Variants in LMNTD1 observed in about 807,000 individuals in gnomAD.
LMNTD1 encodes the protein lamin tail domain containing 1.
LMNTD1 carries 35 observed loss-of-function variants against 50.9 expected under a neutral mutation model. The observed-to-expected ratio is 0.69, with a 90% CI of 0.53 to 0.91. The LOEUF (loss-of-function observed/expected upper bound fraction) is 0.91. LMNTD1 is among the 40% of genes least tolerant of loss of function. The probability of loss-of-function intolerance (pLI) is 0.00; values close to 1 mark genes in which losing one functional copy is unlikely to be tolerated. For synonymous variants in LMNTD1, 153 were observed against 161.9 expected, an observed-to-expected ratio of 0.94 and a Z score of 0.42; for missense variants, 470 against 475.5, an observed-to-expected ratio of 0.99 and a Z score of 0.11.
upstream of LMNTD1, among the ~76,000 whole-genome samples, chr12:25,554,163 G>A (rs1262743093): frequency 6.6e-6 from 1 of 152,164 alleles, no homozygotes; most frequent in African/African-American, 2.4e-5. Context: ...TGTAAATATA[G>A]CATCAGAAGG....
chr12:25,562,973 G>T (rs1944399748), intron 1 of LMNTD1, among the ~76,000 whole-genome samples: 1 of 152,164 alleles, frequency 6.6e-6, no homozygotes, highest in Admixed American at 6.5e-5. Flanking sequence ...TCGTGCCATG[G>T]TTTTCAGCTC....
At chr12:25,494,469 CGTT>C (rs1275286463) in intron 9 of LMNTD1, among the ~76,000 whole-genome samples, 12 of 152,166 alleles carry the variant, frequency 7.9e-5, no homozygotes, top group African/African-American at 2.9e-4. Flanking sequence ...CTGAAACTAT[CGTT>C]GGCCTACGAA....
At chr12:25,496,079 G>GT (rs1247320747) in intron 9 of LMNTD1, among the ~76,000 whole-genome samples, 1 of 152,134 alleles carries the variant, frequency 6.6e-6, no homozygotes, top group Non-Finnish European at 1.5e-5. Context: ...GCTGAAACAT[G>GT]TTTTGGATCC....
intron 1 of LMNTD1, among the ~76,000 whole-genome samples, chr12:25,584,246 T>C (rs1430365861): frequency 6.6e-6 from 1 of 152,238 alleles, no homozygotes; most frequent in East Asian, 1.9e-4. Flanking sequence ...AATATATTTA[T>C]GATTTTTCTC....
chr12:25,528,600 T>C (rs749625145), intron 4 of LMNTD1, among the ~76,000 whole-genome samples: 3 of 152,188 alleles, frequency 2.0e-5, no homozygotes, highest in African/African-American at 4.8e-5. Flanking sequence ...CTTGACAAAT[T>C]ATCTCACTAA....
chr12:25,583,333 G>GT (rs2136431881), intron 1 of LMNTD1, among the ~76,000 whole-genome samples: 1 of 62,270 alleles, frequency 1.6e-5, no homozygotes, highest in African/African-American at 3.6e-5. Context: ...GGCCGGTAAT[G>GT]TTTTTAAAAA....
chr12:25,619,252 C>CTCTCTCTCTCTATATATATATATA (rs1374134268), intron 1 of LMNTD1, among the ~76,000 whole-genome samples: 8 of 84,422 alleles, frequency 9.5e-5, no homozygotes, highest in East Asian at 4.2e-4. Context: ...CTCTCTCTCT[C>CTCTCTCTCTCTATATATATATATA]TATATATATA....
chr12:25,483,058 T>G (rs1260161996), intron 9 of LMNTD1, among the ~76,000 whole-genome samples: 1 of 152,032 alleles, frequency 6.6e-6, no homozygotes, highest in East Asian at 1.9e-4. Flanking sequence ...TTTCAGCATT[T>G]GTGTTTACCT....
intron 1 of LMNTD1, among the ~76,000 whole-genome samples, chr12:25,573,792 C>T (rs193224570): frequency 1.0e-3 from 153 of 152,204 alleles, no homozygotes; most frequent in African/African-American, 3.6e-3. Context: ...TGAAAATCTT[C>T]CCTGATGAGT....
At position 25,509,803 on chromosome 12, in the gene LMNTD1, A is replaced by C. The variant is rs578005807; in HGVS notation, c.1190-6003T>G. ...ATATGAAGACAGAGGCAGAAATTAC[A>C]GCGATGGATCAACAAGCCAAGGAGT... On this transcript the variant is annotated intron_variant, in intron 8 of 9. Coordinates refer to ENST00000458174, the MANE Select transcript of LMNTD1 (RefSeq NM_001145728.2). Among the ~76,000 whole-genome samples, 3 of 152,342 alleles carry C rather than the reference A, an allele frequency of 2.0e-5. No individual in the cohort carries two copies. In the South Asian group the frequency reaches 6.2e-4, roughly 32 times the overall value.
chr12:25,613,800 T>C (rs1397161176), intron 1 of LMNTD1, among the ~76,000 whole-genome samples: 4 of 151,510 alleles, frequency 2.6e-5, no homozygotes, highest in African/African-American at 9.7e-5. Flanking sequence ...GGAAATACTT[T>C]CACTTTTTTC....
At chr12:25,594,061 T>C (rs1025796877) in intron 1 of LMNTD1, among the ~76,000 whole-genome samples, 1 of 151,854 alleles carries the variant, frequency 6.6e-6, no homozygotes, top group African/African-American at 2.4e-5. Flanking sequence ...CTCCAAGAAG[T>C]CTGGGATTAA....
At chr12:25,556,628 C>T (rs1944054505), upstream of LMNTD1, among the ~76,000 whole-genome samples, 1 of 152,060 alleles carries the variant, frequency 6.6e-6, no homozygotes, top group Non-Finnish European at 1.5e-5. Context: ...CTTTACCCCG[C>T]GTTGGGAAAG....
Position 25,614,054 on chromosome 12 carries a change from T to A in LMNTD1, c.58+34440A>T, listed in dbSNP as rs751455929. Among the ~76,000 whole-genome samples, 127 of 151,730 alleles carry A rather than the reference T, an allele frequency of 8.4e-4. 1 individual carries two copies. Among genetic ancestry groups the A allele is most frequent in the Non-Finnish European group, 4.6e-4 (31 of 67,902 alleles). On this transcript the variant is annotated intron_variant, in intron 1 of 7. Coordinates refer to the LMNTD1 transcript ENST00000445693. ...AAATGAAGGAGAATGATTATTAATG[T>A]CAATTGCTGCTGGTGGGTAAAAAAA...
chr12:25,606,162 C>G (rs1001483642), intron 1 of LMNTD1, among the ~76,000 whole-genome samples: 1 of 152,030 alleles, frequency 6.6e-6, no homozygotes, highest in African/African-American at 2.4e-5. Context: ...AAGAATGCTT[C>G]TGATTTTTTC....
intron 1 of LMNTD1, among the ~76,000 whole-genome samples, chr12:25,639,300 A>T (rs1946901393): frequency 6.6e-6 from 1 of 152,108 alleles, no homozygotes; most frequent in African/African-American, 2.4e-5. Flanking sequence ...GTGACAAAAT[A>T]AAAAAATAGA....
chr12:25,584,811 AG>A, intron 1 of LMNTD1, among the ~76,000 whole-genome samples: 1 of 152,026 alleles, frequency 6.6e-6, no homozygotes, highest in African/African-American at 2.4e-5. Flanking sequence ...TTTTCATCAT[AG>A]ACTGGGGTCT....
intron 8 of LMNTD1, 102 bp downstream of exon 8, chr12:25,518,693 A>C: frequency 1.0e-6 from 1 of 990,292 alleles, no homozygotes; most frequent in East Asian, 2.4e-5. Flanking sequence ...AATATGAATC[A>C]TCTTTAACAC....
At chr12:25,543,947 T>G (rs185175557) in intron 4 of LMNTD1, among the ~76,000 whole-genome samples, 1 of 152,056 alleles carries the variant, frequency 6.6e-6, no homozygotes, top group East Asian at 1.9e-4. Context: ...GTCACAAAAG[T>G]ACTTGACATA....
Sources: allele counts gnomAD v4.1 joint callset (sites outside exome capture counted in the v4.1 genomes callset), GRCh38; gene constraint gnomAD v4.1.1; transcripts MANE v1.5; gene names NCBI Gene and HGNC (gene_info 2026-07-23, HGNC 2026-07-21).